Variants in ANO4 observed in about 807,000 individuals in gnomAD.
The protein encoded by ANO4 is anoctamin-4.
ANO4 carries 69 observed loss-of-function variants against 141.9 expected under a neutral mutation model. That is an observed-to-expected ratio of 0.49 (90% CI 0.40 to 0.59). The LOEUF (loss-of-function observed/expected upper bound fraction) is 0.59, where lower values mean the gene tolerates loss of function less well. Ranked by LOEUF, ANO4 falls within the 20% of genes least tolerant of loss-of-function variation. The pLI is 0.00. For missense variants in ANO4, 894 were observed against 1,162.2 expected (o/e 0.77, Z 3.36); for synonymous variants, 350 against 394.3 (o/e 0.89, Z 1.33).
At chr12:100,718,251 G>A (rs1298361673) in intron 1 of ANO4, among the ~76,000 whole-genome samples, 4 of 152,204 alleles carry the variant, frequency 2.6e-5, no homozygotes, top group Admixed American at 2.0e-4. Context: ...GCGCGCTGGG[G>A]AAGCCAGCAA....
At chr12:101,089,199 AAG>A (rs1020207381) in intron 17 of ANO4, among the ~76,000 whole-genome samples, 1 of 152,154 alleles carries the variant, frequency 6.6e-6, no homozygotes, top group African/African-American at 2.4e-5. Flanking sequence ...AGTGATTCCT[AAG>A]AGAATTCAAC....
intron 16 of ANO4, among the ~76,000 whole-genome samples, chr12:101,086,459 C>T (rs2049504430): frequency 6.6e-6 from 1 of 151,944 alleles, no homozygotes; most frequent in Non-Finnish European, 1.5e-5. Context: ...GCGTGTAGTT[C>T]TTTTATTTTA....
At chr12:100,903,425 CT>C in intron 2 of ANO4, among the ~76,000 whole-genome samples, 1 of 152,310 alleles carries the variant, frequency 6.6e-6, no homozygotes, top group East Asian at 1.9e-4. Flanking sequence ...AGTTACTGTG[CT>C]TGTTCTACCA....
intron 5 of ANO4, among the ~76,000 whole-genome samples, chr12:100,949,652 G>A (rs1190096369): frequency 1.3e-5 from 2 of 152,120 alleles, no homozygotes; most frequent in Non-Finnish European, 2.9e-5. Context: ...TCTTTATAAC[G>A]CAACCATTAG....
At chr12:100,967,137 C>T (rs139089515) in intron 5 of ANO4, among the ~76,000 whole-genome samples, 3 of 152,100 alleles carry the variant, frequency 2.0e-5, no homozygotes, top group African/African-American at 4.8e-5. Context: ...CCATGATACT[C>T]GTTAATTTTC....
At chr12:100,879,514 C>G in intron 1 of ANO4, among the ~76,000 whole-genome samples, 1 of 152,116 alleles carries the variant, frequency 6.6e-6, no homozygotes, top group East Asian at 1.9e-4. Flanking sequence ...TATTTCAGCA[C>G]CTAGCCCAGT....
intron 14 of ANO4, chr12:101,068,309 G>C: frequency 7.5e-7 from 1 of 1,336,392 alleles, no homozygotes; most frequent in South Asian, 1.2e-5. Flanking sequence ...TCCTACGAAG[G>C]CTGACTTCAA....
intron 1 of ANO4, among the ~76,000 whole-genome samples, chr12:100,799,758 C>T (rs1317537240): frequency 6.6e-6 from 1 of 152,088 alleles, no homozygotes; most frequent in East Asian, 1.9e-4. Context: ...CCAAAAGGAA[C>T]CTTAAAGAGC....
intron 14 of ANO4, among the ~76,000 whole-genome samples, chr12:101,076,544 A>G (rs962309023): frequency 1.3e-5 from 2 of 152,166 alleles, no homozygotes; most frequent in Admixed American, 1.3e-4. Context: ...AAGAAGGGTG[A>G]TGGAATAATT....
At chr12:101,032,142 A>G (rs1349137926) in intron 9 of ANO4, among the ~76,000 whole-genome samples, 1 of 152,232 alleles carries the variant, frequency 6.6e-6, no homozygotes, top group Non-Finnish European at 1.5e-5. Context: ...GTAACCAAAA[A>G]GAACAAGCTG....
At chr12:101,061,669 G>T in intron 14 of ANO4, among the ~76,000 whole-genome samples, 1 of 151,236 alleles carries the variant, frequency 6.6e-6, no homozygotes. Context: ...CTGCTTGATC[G>T]ACTCGACTAT....
chr12:100,964,001 A>T (rs1418192858), intron 5 of ANO4, among the ~76,000 whole-genome samples: 2 of 152,224 alleles, frequency 1.3e-5, no homozygotes, highest in Admixed American at 6.5e-5. Context: ...GAGGCTTATG[A>T]ATTGAGTAAT....
intron 24 of ANO4, among the ~76,000 whole-genome samples, chr12:101,115,938 CA>C (rs976184064): frequency 2.0e-5 from 3 of 152,080 alleles, no homozygotes; most frequent in African/African-American, 7.2e-5. Flanking sequence ...GCTCTGCTCC[CA>C]AAAAATTGCA....
chr12:100,821,773 A>G (rs1336361842), intron 1 of ANO4, among the ~76,000 whole-genome samples: 6 of 152,028 alleles, frequency 3.9e-5, no homozygotes, highest in Non-Finnish European at 8.8e-5. Flanking sequence ...GGTTATTGCC[A>G]ATGTTTTACA....
chr12:100,882,125 C>T (rs898460244), intron 1 of ANO4, among the ~76,000 whole-genome samples: 1 of 152,170 alleles, frequency 6.6e-6, no homozygotes, highest in African/African-American at 2.4e-5. Flanking sequence ...TATTGCTACT[C>T]TGTGCTAGGC....
chr12:100,811,599 C>T (rs2035439454), intron 1 of ANO4, among the ~76,000 whole-genome samples: 2 of 152,128 alleles, frequency 1.3e-5, no homozygotes, highest in Admixed American at 1.3e-4. Flanking sequence ...TCACTGTGGA[C>T]TGGATACATT....
intron 1 of ANO4, among the ~76,000 whole-genome samples, chr12:100,884,520 G>GT (rs1165788724): frequency 2.6e-5 from 4 of 152,050 alleles, no homozygotes; most frequent in East Asian, 3.9e-4. Flanking sequence ...ACCTGTATTA[G>GT]TTTTTTATTG....
chr12:101,052,495 C>T (rs1433073177), intron 14 of ANO4, among the ~76,000 whole-genome samples: 1 of 152,026 alleles, frequency 6.6e-6, no homozygotes, highest in Non-Finnish European at 1.5e-5. Context: ...TCTCTCTCCC[C>T]CTTGTTTTTC....
chr12:101,062,260 G>A (rs1339051368), intron 14 of ANO4, among the ~76,000 whole-genome samples: 1 of 152,204 alleles, frequency 6.6e-6, no homozygotes, highest in Admixed American at 6.5e-5. Context: ...CTGGAAGCTT[G>A]AGCCCAGAGG....
Sources: gnomAD v4.1 joint callset for allele counts (sites outside exome capture counted in the v4.1 genomes callset) on GRCh38, gnomAD v4.1.1 for gene constraint, MANE v1.5 for transcripts, NCBI Gene and HGNC (gene_info 2026-07-23, HGNC 2026-07-21) for gene names.